Variants in MYH7 observed in about 807,000 individuals in gnomAD.
MYH7 encodes the protein myosin-7.
A neutral mutation model predicts 225.4 loss-of-function variants in MYH7; 129 were observed. The ratio of observed to expected loss-of-function variants is 0.57; its 90% CI spans 0.50 to 0.66. MYH7 has a LOEUF of 0.66. Among genes scored for constraint, MYH7 ranks in the 30% least tolerant of loss-of-function variants. MYH7 has a pLI of 0.00. For synonymous variants in MYH7, 971 were observed against 1,007.6 expected (o/e 0.96, Z 0.69); for missense variants, 1,649 against 2,517.0 (o/e 0.66, Z 7.38).
At chr14:23,431,338 GGAGA>G (rs751559400) in intron 9 of MYH7, 76 bp downstream of exon 9, 9 of 1,360,656 alleles carry the variant, frequency 6.6e-6, no homozygotes, top group African/African-American at 2.9e-5. Flanking sequence ...GGGAGGGAGG[GGAGA>G]GAGAGAGAGG....
In MYH7 at chr14:23,418,143, G is replaced by A; in HGVS notation, c.4169+67C>T. 1.6e-5 allele frequency: 26 copies of A among 1,609,870 alleles called. No homozygotes were observed. The South Asian group carries it at 2.7e-4, about 17-fold the overall frequency. On this transcript the variant is annotated intron_variant, in intron 30 of 39. Transcript: ENST00000355349. ...CATCGCCTGTGTGGGATCTGCTGAG[G>A]CTGGGGCTGGGCTGAGTCCTGCCTG...
intron 1 of MYH7, 124 bp from the exon 2 acceptor site, chr14:23,434,373 G>T: frequency 1.7e-6 from 1 of 591,134 alleles, no homozygotes; most frequent in Non-Finnish European, 2.1e-6. Context: ...TGGAAAGGGT[G>T]GTCAGCTTCT....
At chr14:23,434,930 C>A (rs1319927447) in intron 1 of MYH7, among the ~76,000 whole-genome samples, 1 of 152,074 alleles carries the variant, frequency 6.6e-6, no homozygotes, top group Non-Finnish European at 1.5e-5. Context: ...CCTTCCCATA[C>A]CTCAATCCGC....
At chr14:23,430,502 C>T in intron 11 of MYH7, 58 bp downstream of exon 11, 1 of 1,376,706 alleles carries the variant, frequency 7.3e-7, no homozygotes, top group Non-Finnish European at 1.0e-6. Flanking sequence ...CTTTTGGACC[C>T]CTGTTTGCCC....
At chr14:23,420,531 A>C (rs1038470586) in intron 26 of MYH7, among the ~76,000 whole-genome samples, 2 of 152,338 alleles carry the variant, frequency 1.3e-5, no homozygotes, top group Admixed American at 1.3e-4. Flanking sequence ...AAATAACAAA[A>C]GTTGAAAATG....
At position 23,425,383 on chromosome 14, in the gene MYH7, C is replaced by T. The variant is rs1555337814; in HGVS notation, c.2322G>A (p.Glu774=). Residue 774 remains glutamate, a synonymous_variant, in exon 21 of 40, where the codon GAG becomes GAA. Transcript: ENST00000355349. The surrounding 1 kb of genome is among the most constrained non-coding windows in gnomAD (Gnocchi z 4.6). ...GGCTCAGCCTCTCGTCCCTCATTTC[C>T]TCCAGCAGCCCCAGCAGCCCGGCCT... is the stretch of plus-strand genomic sequence containing the variant. ...FFKAGLLGLL[E]EMRDERLSRI... 1 of 1,614,182 alleles carries T rather than the reference C, an allele frequency of 6.2e-7. No homozygotes were observed. The highest frequency in any genetic ancestry group is 2.2e-5 in the East Asian group (1 of 44,876).
chr14:23,425,891 C>G lies in MYH7; in HGVS notation c.2162+73G>C. 6 of 1,612,922 alleles carry G rather than the reference C, an allele frequency of 3.7e-6. No homozygotes were observed. The highest frequency in any genetic ancestry group is 2.5e-6 in the Non-Finnish European group (3 of 1,180,030). On this transcript the variant is annotated intron_variant, in intron 19 of 39. Coordinates refer to ENST00000355349, the MANE Select transcript of MYH7 (RefSeq NM_000257.4). The surrounding 1 kb of genome is among the most constrained non-coding windows in gnomAD (Gnocchi z 4.6). Reference sequence around the variant, plus strand: ...TCTGCCCATAGAATTCCAGGGTCACCTGCAGATCCCATTCCCATCAGGGCA... The same window carrying G: ...TCTGCCCATAGAATTCCAGGGTCACGTGCAGATCCCATTCCCATCAGGGCA...
chr14:23,428,421 G>T, intron 15 of MYH7, 79 bp downstream of exon 15: 1 of 1,599,604 alleles, frequency 6.3e-7, no homozygotes, highest in Non-Finnish European at 8.6e-7. Flanking sequence ...TCCCCAGAAG[G>T]GAGAGGGGCT....
At chr14:23,432,021 T>A (rs1054302141) in intron 6 of MYH7, 152 bp from the exon 7 acceptor site, 12 of 811,532 alleles carry the variant, frequency 1.5e-5, no homozygotes, top group African/African-American at 5.1e-5. Flanking sequence ...AACTGTCTTC[T>A]GATGCACAGA....
rs2138652094 is a variant in MYH7 at position 23,419,471 on chromosome 14, C to T, written c.3853+12G>A. On this transcript the variant is annotated intron_variant, in intron 28 of 39. Transcript: ENST00000355349. ...TGTGGTGGGAACCATGGAGCCCCTG[C>T]TCTAGGCTCACCATTCTCGGTTTGC... 1.9e-6 allele frequency: 3 copies of T among 1,613,882 alleles called. No homozygotes were observed. The highest frequency in any genetic ancestry group is 2.5e-6 in the Non-Finnish European group (3 of 1,179,998).
Position 23,423,923 on chromosome 14 carries a change from T to G in MYH7, c.2906A>C (p.His969Pro), listed in dbSNP as rs1268647188. 1.2e-6 allele frequency: 2 copies of G among 1,614,096 alleles called. No homozygotes were observed. The highest frequency in any genetic ancestry group is 1.7e-6 in the Non-Finnish European group (2 of 1,180,028). The part of the protein sequence containing the change: ...LTLAKVEKEK[H>P]ATENKVKNLT... ...TGCCCTTACCTTGTTCTCTGTTGCG[T>G]GTTTCTCCTTCTCCACTTTGGCCAG... The change falls in exon 23 of 40, where the codon CAC becomes CCC. Residue 969 changes from histidine to proline, a missense_variant. His to Pro is a moderately conservative substitution (Grantham distance 77). This residue lies in a region of MYH7 where 282 missense variants were observed against 315.3 expected (regional missense o/e 0.89). Transcript: ENST00000355349.
intron 18 of MYH7, among the ~76,000 whole-genome samples, chr14:23,426,321 G>C (rs1294994330): frequency 6.6e-6 from 1 of 152,172 alleles, no homozygotes; most frequent in African/African-American, 2.4e-5. Context: ...TTCTAGATGA[G>C]TAAATTAAGC....
intron 33 of MYH7, 71 bp downstream of exon 33, chr14:23,416,796 CG>C (rs1892229765): frequency 1.2e-6 from 2 of 1,609,510 alleles, no homozygotes; most frequent in African/African-American, 2.7e-5. Flanking sequence ...ACGGACAAAG[CG>C]GGGGATGAGA....
chr14:23,416,778 T>C, intron 33 of MYH7, 90 bp downstream of exon 33: 1 of 1,603,096 alleles, frequency 6.2e-7, no homozygotes, highest in Non-Finnish European at 8.5e-7. Context: ...GATGGGACAG[T>C]GAACAAAACG....
chr14:23,432,470 T>A lies in MYH7; in HGVS notation c.530+9A>T, dbSNP rs200925769. On this transcript the variant is annotated intron_variant, in intron 6 of 39. Coordinates refer to ENST00000355349, the MANE Select transcript of MYH7 (RefSeq NM_000257.4). ...TTCTGAAAGGGAATACAGTAGCAGC[T>A]ACACTCACGTGATCAGGATGGACTG... 1.3e-5 allele frequency: 21 copies of A among 1,614,032 alleles called. No individual in the cohort carries two copies. In the East Asian group the frequency reaches 4.7e-4, roughly 36 times the overall value.
chr14:23,415,238 C>T lies in MYH7; in HGVS notation c.5316G>A (p.Glu1772=), dbSNP rs758213465. Reference sequence around the variant, plus strand: ...GCTCCAGGTGGGCGCTGGTGTCCTGCTCCTTCTTCAGCTCCTCTGCCATCA... The same window carrying T: ...GCTCCAGGTGGGCGCTGGTGTCCTGTTCCTTCTTCAGCTCCTCTGCCATCA... ...AAMMAEELKK[E]QDTSAHLERM... is the part of the protein sequence containing the mutation. Residue 1772 remains glutamate (E), a synonymous_variant, in exon 37 of 40, where the codon GAG becomes GAA. Transcript: ENST00000355349. The surrounding 1 kb of genome is among the most constrained non-coding windows in gnomAD (Gnocchi z 6.3). 6.2e-7 allele frequency: 1 copy of T among 1,614,276 alleles called. No individual in the cohort carries two copies. Among genetic ancestry groups the T allele is most frequent in the South Asian group, 1.1e-5 (1 of 91,090 alleles).
intron 22 of MYH7, 63 bp downstream of exon 22, chr14:23,424,706 C>T: frequency 6.2e-7 from 1 of 1,609,530 alleles, no homozygotes; most frequent in South Asian, 1.1e-5. Flanking sequence ...CAGGGAGGTG[C>T]AGGGTTGTGG....
rs148768045 is a variant in MYH7 at position 23,422,692 on chromosome 14, G to A, written c.3100-367C>T. ...TGTCGCCAGGCTGGAGTGCAGTGGC[G>A]CGATCTCGGCTCACTGCAACCTCCG... On this transcript the variant is annotated intron_variant, in intron 24 of 39. Coordinates refer to ENST00000355349, the MANE Select transcript of MYH7 (RefSeq NM_000257.4). 1.7e-3 allele frequency among the ~76,000 whole-genome samples: 245 copies of A among 140,110 alleles called. 1 individual carries two copies. The highest frequency in any genetic ancestry group is 6.1e-3 in the African/African-American group (227 of 37,454). The allele number at this position is 140,110 out of a possible 152,430, so 91.9% of individuals were successfully genotyped here. A position where few individuals can be genotyped will look rare whatever the true frequency, so the allele number is the denominator to read the frequency against.
chr14:23,425,858 T>C lies in MYH7; in HGVS notation c.2163-40A>G. On this transcript the variant is annotated intron_variant, in intron 19 of 39. Coordinates refer to ENST00000355349, the MANE Select transcript of MYH7 (RefSeq NM_000257.4). The surrounding 1 kb of genome is among the most constrained non-coding windows in gnomAD (Gnocchi z 4.6). ...GTCCAGAGTCACCCATGCTCTGCAGTGATCTGCTCTGCCCATAGAATTCCA... is the reference window on the plus strand; with the variant it reads ...GTCCAGAGTCACCCATGCTCTGCAGCGATCTGCTCTGCCCATAGAATTCCA... 1 of 1,613,466 alleles carries C rather than the reference T, an allele frequency of 6.2e-7. No homozygotes were observed. Among genetic ancestry groups the C allele is most frequent in the East Asian group, 2.2e-5 (1 of 44,888 alleles).
Sources: allele counts gnomAD v4.1 joint callset (sites outside exome capture counted in the v4.1 genomes callset), GRCh38; gene constraint gnomAD v4.1.1; regional missense constraint gnomAD v4.1.1; non-coding constraint Gnocchi (gnomAD v3.1); transcripts MANE v1.5; gene names NCBI Gene and HGNC (gene_info 2026-07-23, HGNC 2026-07-21).